Variants in GREM1 observed in about 807,000 individuals in gnomAD.
GREM1 encodes gremlin-1.
A neutral mutation model predicts 13.1 loss-of-function variants in GREM1; 6 were observed. That is an observed-to-expected ratio of 0.46 (90% CI 0.25 to 0.91). GREM1 has a LOEUF of 0.91. Ranked by LOEUF, GREM1 falls within the 40% of genes least tolerant of loss-of-function variation. The pLI, the probability that GREM1 is intolerant of heterozygous loss-of-function variation, is 0.18. For synonymous variants in GREM1, 98 were observed against 93.7 expected, an observed-to-expected ratio of 1.05 and a Z score of -0.27; for missense variants, 185 against 233.9, an observed-to-expected ratio of 0.79 and a Z score of 1.36.
rs1285302652 is a variant in GREM1, at chr15:32,732,913, T to G, written c.*1668T>G. On this transcript the variant is annotated 3_prime_UTR_variant, in exon 2 of 2. Transcript: ENST00000651154. Reference sequence around the variant, plus strand: ...TTCTCAGCCTCCTAGCCAAGTCCTATGTAATATGGAAAACAAACACTGCAG... The same window carrying G: ...TTCTCAGCCTCCTAGCCAAGTCCTAGGTAATATGGAAAACAAACACTGCAG... The G allele has an allele frequency of 4.5e-6, 1 of 220,138 alleles. No homozygotes were observed. Among genetic ancestry groups the G allele is most frequent in the African/African-American group, 2.3e-5 (1 of 43,796 alleles). The allele number at this position is 220,138 out of a possible 1,614,324, so 13.6% of individuals were successfully genotyped here.
rs146588909 is a variant in GREM1, at chr15:32,733,306, A to G, written c.*2061A>G. 14 of 224,498 alleles carry G rather than the reference A, an allele frequency of 6.2e-5. 1 individual carries two copies. In the East Asian group the frequency reaches 9.3e-4, roughly 15 times the overall value. The allele number at this position is 224,498 out of a possible 1,614,324, so 13.9% of individuals were successfully genotyped here. A position where few individuals can be genotyped will look rare whatever the true frequency, so the allele number is the denominator to read the frequency against. On this transcript the variant is annotated 3_prime_UTR_variant, in exon 2 of 2. Transcript: ENST00000651154. ...CAGAATTTTGAGGGTGGGAGAGAAGAAAAGGGAAAGAAGCTGAAAATGTAA... is the reference window on the plus strand; with the variant it reads ...CAGAATTTTGAGGGTGGGAGAGAAGGAAAGGGAAAGAAGCTGAAAATGTAA...
At position 32,738,125 on chromosome 15, in the gene GREM1, A is replaced by AAAAAAAAAAAAAAAAAACAAAAAAAAAC; in HGVS notation, c.*6888_*6889insAAAAAAAAACAAAAAAAAACAAAAAAAA. ...AAAAAAAAAAAAAAAAAAAAAAAAA[A>AAAAAAAAAAAAAAAAAACAAAAAAAAAC]AAAAAAAAGAAAAGAAAAAAGTCAT... On this transcript the variant is annotated 3_prime_UTR_variant, in exon 2 of 2. Coordinates refer to ENST00000651154, the MANE Select transcript of GREM1 (RefSeq NM_013372.7). 3.2e-4 allele frequency: 9 copies of AAAAAAAAAAAAAAAAAACAAAAAAAAAC among 27,966 alleles called. 1 individual carries two copies. Among genetic ancestry groups the AAAAAAAAAAAAAAAAAACAAAAAAAAAC allele is most frequent in the Non-Finnish European group, 5.0e-4 (8 of 16,082 alleles). The allele number at this position is 27,966 out of a possible 1,614,324, so 1.7% of individuals were successfully genotyped here.
chr15:32,723,193 T>G (rs975603662), intron 1 of GREM1, among the ~76,000 whole-genome samples: 1 of 152,222 alleles, frequency 6.6e-6, no homozygotes. Context: ...ATCTTCTGCA[T>G]TTCCTCTACA....
rs2055697060 is a variant in GREM1, at chr15:32,736,300, A to G, written c.*5055A>G. The stretch of plus-strand genomic sequence containing the variant: ...TAATGTATAACAGTTGGGGAAAGCA[A>G]TTGGCTAAATAAAAAGCCTAAAAGG... On this transcript the variant is annotated 3_prime_UTR_variant, in exon 2 of 2. Coordinates refer to ENST00000651154, the MANE Select transcript of GREM1 (RefSeq NM_013372.7). 1 of 152,192 alleles carries G rather than the reference A, an allele frequency of 6.6e-6. No individual in the cohort carries two copies. The highest frequency in any genetic ancestry group is 1.5e-5 in the Non-Finnish European group (1 of 68,032). The allele number at this position is 152,192 out of a possible 1,614,324, so 9.4% of individuals were successfully genotyped here. A position where few individuals can be genotyped will look rare whatever the true frequency, so the allele number is the denominator to read the frequency against.
rs905201361 is a variant in GREM1, at chr15:32,737,049, TAAAC to T, written c.*5809_*5812del. ...TGCAGATGTCCACCACACCTATAAA[TAAAC>T]AAACTACTGAAACTGATTCAAGAAA... On this transcript the variant is annotated 3_prime_UTR_variant, in exon 2 of 2. Coordinates refer to ENST00000651154, the MANE Select transcript of GREM1 (RefSeq NM_013372.7). 8 of 151,984 alleles carry T rather than the reference TAAAC, an allele frequency of 5.3e-5. No individual in the cohort carries two copies. Among genetic ancestry groups the T allele is most frequent in the Non-Finnish European group, 7.4e-5 (5 of 67,972 alleles). The allele number at this position is 151,984 out of a possible 1,614,324, so 9.4% of individuals were successfully genotyped here. A position where few individuals can be genotyped will look rare whatever the true frequency, so the allele number is the denominator to read the frequency against.
chr15:32,724,199 G>A (rs1294910085), intron 1 of GREM1, among the ~76,000 whole-genome samples: 1 of 152,218 alleles, frequency 6.6e-6, no homozygotes, highest in Non-Finnish European at 1.5e-5. Flanking sequence ...CCTTAAGTTG[G>A]TTCAGAGAAA....
At chr15:32,729,794 C>A (rs1167636615) in intron 1 of GREM1, among the ~76,000 whole-genome samples, 1 of 152,156 alleles carries the variant, frequency 6.6e-6, no homozygotes, top group African/African-American at 2.4e-5. Flanking sequence ...TATACACAGA[C>A]ACATGTGAAT....
chr15:32,730,811 C>T lies in GREM1; in HGVS notation c.121C>T (p.His41Tyr). ...GAIPPPDKAQ[H>Y]NDSEQTQSPQ... ...CATCCCCCCGCCAGACAAGGCCCAG[C>T]ACAATGACTCAGAGCAGACTCAGTC... Residue 41 changes from histidine (H) to tyrosine (Y), a missense_variant, in exon 2 of 2, where the codon CAC becomes TAC. Coordinates refer to ENST00000651154, the MANE Select transcript of GREM1 (RefSeq NM_013372.7). 3 of 1,613,966 alleles carry T rather than the reference C, an allele frequency of 1.9e-6. No individual in the cohort carries two copies. Among genetic ancestry groups the T allele is most frequent in the African/African-American group, 2.7e-5 (2 of 75,024 alleles).
chr15:32,727,630 G>T (rs889527370), intron 1 of GREM1, among the ~76,000 whole-genome samples: 8 of 152,042 alleles, frequency 5.3e-5, no homozygotes, highest in Admixed American at 3.9e-4. Context: ...ACTATTGGAA[G>T]TTCTGGCCAG....
rs79207432 is a variant in GREM1 at position 32,719,496 on chromosome 15, G to C, written c.-2+1335G>C. 0.21 allele frequency among the ~76,000 whole-genome samples: 32,003 copies of C among 152,034 alleles called. 3,658 individuals are homozygous for C. Among genetic ancestry groups the C allele is most frequent in the East Asian group, 0.49 (2,493 of 5,138 alleles). ...CCTCCTCGACCGACTCCGAATCTCG[G>C]CTCTTATAGACAGAAATACAGCCTC... On this transcript the variant is annotated intron_variant, in intron 1 of 1. Coordinates refer to ENST00000651154, the MANE Select transcript of GREM1 (RefSeq NM_013372.7).
Position 32,731,786 on chromosome 15 carries a change from G to C in GREM1, c.*541G>C, listed in dbSNP as rs555637671. ...TCAGTCTAATCTCTTGTTTGCCAAG[G>C]TTCCTAAATTAATTCACTTAACCAT... On this transcript the variant is annotated 3_prime_UTR_variant, in exon 2 of 2. Transcript: ENST00000651154. 1 of 235,348 alleles carries C rather than the reference G, an allele frequency of 4.2e-6. No individual in the cohort carries two copies. Among genetic ancestry groups the C allele is most frequent in the African/African-American group, 2.2e-5 (1 of 44,536 alleles). The allele number at this position is 235,348 out of a possible 1,614,324, so 14.6% of individuals were successfully genotyped here. A position where few individuals can be genotyped will look rare whatever the true frequency, so the allele number is the denominator to read the frequency against.
At chr15:32,725,186 T>C (rs1476104279) in intron 1 of GREM1, among the ~76,000 whole-genome samples, 1 of 152,158 alleles carries the variant, frequency 6.6e-6, no homozygotes, top group Non-Finnish European at 1.5e-5. Flanking sequence ...GTATTTCTGG[T>C]TCTAGATCCT....
chr15:32,730,704 C>G lies in GREM1; in HGVS notation c.14C>G (p.Ala5Gly). 6.4e-7 allele frequency: 1 copy of G among 1,564,038 alleles called. No individual in the cohort carries two copies. Among genetic ancestry groups the G allele is most frequent in the South Asian group, 1.2e-5 (1 of 81,182 alleles). MSRT[A>G]YTVGALLLLL... ...CCTTTCTTTAGTATGAGCCGCACAG[C>G]CTACACGGTGGGAGCCCTGCTTCTC... The change falls in exon 2 of 2, where the codon GCC becomes GGC. Residue 5 changes from alanine (A) to glycine (G), a missense_variant. Ala to Gly is a moderately conservative substitution (Grantham distance 60). Transcript: ENST00000651154.
In GREM1 at chr15:32,731,624, G is replaced by A. The variant is rs1306474150; in HGVS notation, c.*379G>A. On this transcript the variant is annotated 3_prime_UTR_variant, in exon 2 of 2. Coordinates refer to ENST00000651154, the MANE Select transcript of GREM1 (RefSeq NM_013372.7). ...ATCTCCTTTCGGAATGAATGTTCAT[G>A]GAAGAGGCTCCTCTGAGGGCAAGAG... is the stretch of plus-strand genomic sequence containing the variant. 1 of 315,160 alleles carries A rather than the reference G, an allele frequency of 3.2e-6. No homozygotes were observed. The highest frequency in any genetic ancestry group is 5.3e-5 in the East Asian group (1 of 18,996). 19.5% of individuals were successfully genotyped at this position (315,160 alleles called of 1,614,324 possible). A position where few individuals can be genotyped will look rare whatever the true frequency, so the allele number is the denominator to read the frequency against.
intron 1 of GREM1, among the ~76,000 whole-genome samples, chr15:32,728,829 CTG>C (rs1310184831): frequency 6.6e-6 from 1 of 152,112 alleles, no homozygotes; most frequent in Non-Finnish European, 1.5e-5. Context: ...AGGAGGGAGA[CTG>C]TGAATTTGAA....
Position 32,741,866 on chromosome 15 carries a change from T to C in GREM1, c.*10621T>C, listed in dbSNP as rs536122772. 1 of 152,336 alleles carries C rather than the reference T, an allele frequency of 6.6e-6. No homozygotes were observed. Among genetic ancestry groups the C allele is most frequent in the African/African-American group, 2.4e-5 (1 of 41,590 alleles). The allele number at this position is 152,336 out of a possible 1,614,324, so 9.4% of individuals were successfully genotyped here. On this transcript the variant is annotated 3_prime_UTR_variant, in exon 2 of 2. Coordinates refer to ENST00000651154, the MANE Select transcript of GREM1 (RefSeq NM_013372.7). ...GTACTTTTCCTCTATTCTTAGTTTA[T>C]TGAATGTTTTTCTCATGAAAGTGTG...
Position 32,740,837 on chromosome 15 carries a change from T to A in GREM1, c.*9592T>A, listed in dbSNP as rs1567118537. 6.6e-6 allele frequency: 1 copy of A among 152,176 alleles called. No individual in the cohort carries two copies. Among genetic ancestry groups the A allele is most frequent in the Non-Finnish European group, 1.5e-5 (1 of 68,026 alleles). 9.4% of individuals were successfully genotyped at this position (152,176 alleles called of 1,614,324 possible). The stretch of plus-strand genomic sequence containing the variant: ...CTTTCTCCCAGCCTCCATATTCAAA[T>A]CTTAAGGAAAATTCTTATGGACTTA... On this transcript the variant is annotated 3_prime_UTR_variant, in exon 2 of 2. Coordinates refer to ENST00000651154, the MANE Select transcript of GREM1 (RefSeq NM_013372.7).
chr15:32,732,379 A>G lies in GREM1; in HGVS notation c.*1134A>G, dbSNP rs1381129049. 1.6e-5 allele frequency: 4 copies of G among 243,804 alleles called. No homozygotes were observed. The highest frequency in any genetic ancestry group is 3.5e-5 in the Non-Finnish European group (4 of 115,472). The allele number at this position is 243,804 out of a possible 1,614,324, so 15.1% of individuals were successfully genotyped here. ...ATTGATAAAGATCCTGCCTCTGCTG[A>G]GTGTACCTGACAGTAGTCTAAGATG... On this transcript the variant is annotated 3_prime_UTR_variant, in exon 2 of 2. Transcript: ENST00000651154.
rs2055762367 is a variant in GREM1 at position 32,741,638 on chromosome 15, G to C, written c.*10393G>C. The C allele has an allele frequency of 1.3e-5, 2 of 151,904 alleles. No homozygotes were observed. The highest frequency in any genetic ancestry group is 4.8e-5 in the African/African-American group (2 of 41,386). The allele number at this position is 151,904 out of a possible 1,614,324, so 9.4% of individuals were successfully genotyped here. On this transcript the variant is annotated 3_prime_UTR_variant, in exon 2 of 2. Coordinates refer to ENST00000651154, the MANE Select transcript of GREM1 (RefSeq NM_013372.7). ...GCAAACAGCAACAATTTTACCCTTT[G>C]TTTTCAACGTGAGCGTCTTTTATTT...
Sources: allele counts gnomAD v4.1 joint callset (sites outside exome capture counted in the v4.1 genomes callset), GRCh38; gene constraint gnomAD v4.1.1; transcripts MANE v1.5; gene names NCBI Gene and HGNC (gene_info 2026-07-23, HGNC 2026-07-21).